The following KIAA1328 variants were observed in gnomAD, a reference collection of about 807,000 sequenced individuals.
The protein encoded by KIAA1328 is KIAA1328.
Under a neutral mutation model 68.1 loss-of-function variants are expected in KIAA1328, and 52 were observed. The observed-to-expected ratio is 0.76, with a 90% confidence interval of 0.61 to 0.96. KIAA1328 has a LOEUF of 0.96. KIAA1328 is among the 40% of genes least tolerant of loss of function. KIAA1328 has a pLI of 0.00. For synonymous variants in KIAA1328, 232 were observed against 239.4 expected (o/e 0.97, Z 0.28); for missense variants, 641 against 677.6 (o/e 0.95, Z 0.60).
intron 7 of KIAA1328, among the ~76,000 whole-genome samples, chr18:37,095,928 T>C (rs558965813): frequency 6.6e-6 from 1 of 152,260 alleles, no homozygotes; most frequent in South Asian, 2.1e-4. Context: ...TGTACCATAA[T>C]TGAACCGGGA....
chr18:37,108,685 C>T (rs985871985), intron 7 of KIAA1328, among the ~76,000 whole-genome samples: 3 of 152,108 alleles, frequency 2.0e-5, no homozygotes, highest in African/African-American at 7.2e-5. Flanking sequence ...TCTTACATAG[C>T]CTTTAGGAGC....
At chr18:37,016,097 C>G (rs903300575) in intron 6 of KIAA1328, among the ~76,000 whole-genome samples, 3 of 152,182 alleles carry the variant, frequency 2.0e-5, no homozygotes, top group African/African-American at 7.2e-5. Flanking sequence ...GGAATGCTTC[C>G]GGTTTTTGCC....
intron 6 of KIAA1328, among the ~76,000 whole-genome samples, chr18:36,985,517 C>T (rs2052882931): frequency 1.3e-5 from 2 of 152,180 alleles, no homozygotes; most frequent in Non-Finnish European, 2.9e-5. Flanking sequence ...ATCAGTAAAA[C>T]AGAGTAGAGA....
At position 36,831,274 on chromosome 18, in the gene KIAA1328, A is replaced by T. The variant is rs551125478; in HGVS notation, c.58+2078A>T. 8.7e-4 allele frequency among the ~76,000 whole-genome samples: 133 copies of T among 152,328 alleles called. 2 individuals carry two copies. Among genetic ancestry groups the T allele is most frequent in the Non-Finnish European group, 1.4e-3 (96 of 68,030 alleles). ...TAGTCCTTGATGTTTCCATCATGAG[A>T]GGACAGATCATCTGTGACTCAATGG... On this transcript the variant is annotated intron_variant, in intron 1 of 9. Coordinates refer to ENST00000280020, the MANE Select transcript of KIAA1328 (RefSeq NM_020776.3).
At chr18:37,122,268 A>G (rs1169473050) in intron 7 of KIAA1328, among the ~76,000 whole-genome samples, 1 of 152,114 alleles carries the variant, frequency 6.6e-6, no homozygotes, top group Non-Finnish European at 1.5e-5. Flanking sequence ...TGTGATAAGG[A>G]TGAAAACGTG....
At position 37,053,566 on chromosome 18, in the gene KIAA1328, T is replaced by C. The variant is rs557927118; in HGVS notation, c.577-13324T>C. On this transcript the variant is annotated intron_variant, in intron 6 of 9. Coordinates refer to ENST00000280020, the MANE Select transcript of KIAA1328 (RefSeq NM_020776.3). ...AAAAAGACAGCCTTAAGAATAGTAT[T>C]AGTTCATTTTCACAGTGCTATAAAG... Among the ~76,000 whole-genome samples, 13 of 152,174 alleles carry C rather than the reference T, an allele frequency of 8.5e-5. No homozygotes were observed. The South Asian group carries it at 2.7e-3, about 32-fold the overall frequency.
At chr18:37,076,932 T>A (rs2056759874) in intron 7 of KIAA1328, among the ~76,000 whole-genome samples, 1 of 152,172 alleles carries the variant, frequency 6.6e-6, no homozygotes, top group Non-Finnish European at 1.5e-5. Flanking sequence ...CCATTCCTTC[T>A]GAAACTATTC....
intron 7 of KIAA1328, among the ~76,000 whole-genome samples, chr18:37,080,389 T>C (rs866682144): frequency 6.6e-6 from 1 of 152,204 alleles, no homozygotes; most frequent in Non-Finnish European, 1.5e-5. Flanking sequence ...TTATTTACTT[T>C]GGGTCATTTT....
At chr18:37,160,085 TA>T in intron 7 of KIAA1328, 114 bp from the exon 8 acceptor site, 1 of 708,042 alleles carries the variant, frequency 1.4e-6, no homozygotes, top group Non-Finnish European at 2.1e-6. Context: ...CAATAAAAGG[TA>T]AGATAAAGAG....
At chr18:36,877,427 C>T (rs1278807543) in intron 4 of KIAA1328, among the ~76,000 whole-genome samples, 1 of 151,586 alleles carries the variant, frequency 6.6e-6, no homozygotes, top group Non-Finnish European at 1.5e-5. Context: ...TATGTAATGC[C>T]GTTCTTCGTC....
intron 6 of KIAA1328, among the ~76,000 whole-genome samples, chr18:36,987,445 C>A (rs2052979205): frequency 6.9e-6 from 1 of 144,588 alleles, no homozygotes. Flanking sequence ...TGTAACTAAC[C>A]TGCACATTGT....
downstream of KIAA1328, among the ~76,000 whole-genome samples, chr18:37,225,918 T>C (rs550943196): frequency 9.4e-4 from 143 of 152,218 alleles, no homozygotes; most frequent in Middle Eastern, 6.8e-3. Context: ...GCTCCCAAAC[T>C]GAAAATGAAA....
chr18:36,841,008 A>G (rs1339629125), intron 3 of KIAA1328, among the ~76,000 whole-genome samples: 1 of 152,178 alleles, frequency 6.6e-6, no homozygotes, highest in Non-Finnish European at 1.5e-5. Flanking sequence ...TTGACTAGGA[A>G]GAACCTCAGA....
chr18:37,187,365 C>G (rs2059823945), intron 9 of KIAA1328, among the ~76,000 whole-genome samples: 1 of 152,100 alleles, frequency 6.6e-6, no homozygotes, highest in Non-Finnish European at 1.5e-5. Context: ...GACCCTGCAT[C>G]AAGCTCTTCT....
intron 3 of KIAA1328, among the ~76,000 whole-genome samples, chr18:36,839,875 A>G (rs1318267262): frequency 1.3e-5 from 2 of 152,144 alleles, no homozygotes; most frequent in Non-Finnish European, 1.5e-5. Context: ...TGTATTAGCT[A>G]CAGAAATTGT....
chr18:36,944,312 C>A (rs1180751943), intron 5 of KIAA1328, among the ~76,000 whole-genome samples: 3 of 152,006 alleles, frequency 2.0e-5, no homozygotes, highest in Non-Finnish European at 4.4e-5. Context: ...GGCGCGGTGG[C>A]TCACACCTGT....
chr18:37,089,312 A>C (rs1260456074), intron 7 of KIAA1328, among the ~76,000 whole-genome samples: 2 of 150,478 alleles, frequency 1.3e-5, no homozygotes, highest in Non-Finnish European at 3.0e-5. Context: ...TATTATGTAT[A>C]GATGATAAAT....
intron 6 of KIAA1328, among the ~76,000 whole-genome samples, chr18:36,979,721 C>T (rs2052608349): frequency 6.6e-6 from 1 of 152,178 alleles, no homozygotes; most frequent in Non-Finnish European, 1.5e-5. Context: ...CCTCAGCCCA[C>T]TGCATCTTCA....
At chr18:37,061,583 C>T (rs1194008110) in intron 6 of KIAA1328, among the ~76,000 whole-genome samples, 1 of 152,026 alleles carries the variant, frequency 6.6e-6, no homozygotes, top group East Asian at 1.9e-4. Flanking sequence ...TTTGGGAGTT[C>T]GTGTTGGTTT....
Sources: gnomAD v4.1 joint callset for allele counts (sites outside exome capture counted in the v4.1 genomes callset) on GRCh38, gnomAD v4.1.1 for gene constraint, MANE v1.5 for transcripts, NCBI Gene and HGNC (gene_info 2026-07-23, HGNC 2026-07-21) for gene names.